The following TULP4 variants were observed in gnomAD, a reference collection of about 807,000 sequenced individuals.
TULP4 encodes tubby-related protein 4.
TULP4 carries 16 observed loss-of-function variants against 129.0 expected under a neutral mutation model. That is an observed-to-expected ratio of 0.12 (90% CI 0.08 to 0.19). The LOEUF is 0.19. Among genes scored for constraint, TULP4 ranks in the 10% least tolerant of loss-of-function variants. The probability of loss-of-function intolerance (pLI) is 1.00; values close to 1 mark genes in which losing one functional copy is unlikely to be tolerated. For synonymous variants in TULP4, 998 were observed against 854.0 expected, an observed-to-expected ratio of 1.17 and a Z score of -2.94; for missense variants, 1,842 against 2,059.1, an observed-to-expected ratio of 0.89 and a Z score of 2.04.
At chr6:158,316,610 A>T (rs955081387) in intron 1 of TULP4, among the ~76,000 whole-genome samples, 3 of 151,120 alleles carry the variant, frequency 2.0e-5, no homozygotes, top group African/African-American at 4.8e-5. Flanking sequence ...TACGCTTCAA[A>T]TTTTTTTTTT....
In TULP4 at chr6:158,502,112, G is replaced by A. The variant is rs777331493; in HGVS notation, c.2449G>A (p.Ala817Thr). The A allele has an allele frequency of 1.1e-5, 17 of 1,609,638 alleles. No homozygotes were observed. The highest frequency in any genetic ancestry group is 1.4e-5 in the Non-Finnish European group (16 of 1,177,850). Residue 817 changes from alanine to threonine, a missense_variant, in exon 13 of 14, where the codon GCA becomes ACA. Ala to Thr is a moderately conservative substitution (Grantham distance 58, BLOSUM62 0). Around this residue, in one of 5 missense-constraint regions of TULP4, gnomAD observed 1,089 missense variants for 987.1 expected, o/e 1.10. Coordinates refer to ENST00000367097, the MANE Select transcript of TULP4 (RefSeq NM_020245.5). ...ACCGCAGCTGGCAGCTGAGGGGGACGCAGTGGTCTTTAGTGCCCCCCAGGA... is the reference window on the plus strand; with the variant it reads ...ACCGCAGCTGGCAGCTGAGGGGGACACAGTGGTCTTTAGTGCCCCCCAGGA... Reference protein sequence around the residue: ...PTPQLAAEGDAVVFSAPQEVQ... With the variant: ...PTPQLAAEGDTVVFSAPQEVQ...
At chr6:158,249,456 G>GT (rs1185081299) in intron 1 of TULP4, among the ~76,000 whole-genome samples, 4 of 152,178 alleles carry the variant, frequency 2.6e-5, no homozygotes, top group African/African-American at 9.7e-5. Flanking sequence ...CACGCATTCT[G>GT]TTTCGTCTTT....
chr6:158,379,266 T>C (rs1262318497), intron 1 of TULP4, among the ~76,000 whole-genome samples: 13 of 152,350 alleles, frequency 8.5e-5, no homozygotes, highest in African/African-American at 3.1e-4. Flanking sequence ...TCTCCTCATA[T>C]GAACCTGTGG....
chr6:158,324,869 A>G (rs1012935640), intron 1 of TULP4, among the ~76,000 whole-genome samples: 2 of 152,194 alleles, frequency 1.3e-5, no homozygotes, highest in African/African-American at 4.8e-5. Context: ...CACTGCTTCA[A>G]AAAGGTGAAG....
Position 158,503,983 on chromosome 6 carries a change from C to T in TULP4, c.4320C>T (p.Gly1440=), listed in dbSNP as rs746482481. 4.2e-5 allele frequency: 67 copies of T among 1,612,570 alleles called. No homozygotes were observed. The highest frequency in any genetic ancestry group is 5.5e-5 in the South Asian group (5 of 90,992). Residue 1440 remains glycine (G), a synonymous_variant, in exon 13 of 14, where the codon GGC becomes GGT. Coordinates refer to ENST00000367097, the MANE Select transcript of TULP4 (RefSeq NM_020245.5). The surrounding 1 kb of genome is among the most constrained non-coding windows in gnomAD (Gnocchi z 4.3). ...WKSKRSPRAA[G]ELEEAKCRRA... ...GCAAGCGCTCCCCACGGGCCGCCGG[C>T]GAGCTGGAGGAGGCCAAGTGCCGGC... is the stretch of plus-strand genomic sequence containing the variant.
intron 3 of TULP4, among the ~76,000 whole-genome samples, chr6:158,436,961 A>G (rs1243170435): frequency 6.6e-6 from 1 of 152,130 alleles, no homozygotes; most frequent in Non-Finnish European, 1.5e-5. Flanking sequence ...TCTGCTAAGG[A>G]GGTTTTGCAC....
chr6:158,480,359 G>T (rs1779912568), intron 7 of TULP4, among the ~76,000 whole-genome samples: 1 of 152,258 alleles, frequency 6.6e-6, no homozygotes, highest in South Asian at 2.1e-4. Context: ...AAGGAAGCAG[G>T]AAACAAGTTA....
intron 1 of TULP4, among the ~76,000 whole-genome samples, chr6:158,251,900 T>A (rs1306127195): frequency 6.6e-6 from 1 of 152,244 alleles, no homozygotes; most frequent in Non-Finnish European, 1.5e-5. Flanking sequence ...GGAAAGGTTT[T>A]AGATTCTAGA....
chr6:158,308,760 G>A (rs1451444729), upstream of TULP4, among the ~76,000 whole-genome samples: 192 of 143,920 alleles, frequency 1.3e-3, no homozygotes, highest in Middle Eastern at 7.8e-3. Flanking sequence ...GCGGGGGGCT[G>A]ACCCCCCCAC....
At chr6:158,283,087 T>A (rs1778784446) in intron 1 of TULP4, among the ~76,000 whole-genome samples, 1 of 149,778 alleles carries the variant, frequency 6.7e-6, no homozygotes, top group South Asian at 2.1e-4. Flanking sequence ...TGCAGTGAGC[T>A]GACATCCCAC....
chr6:158,343,014 C>T lies in TULP4; in HGVS notation c.252+28746C>T, dbSNP rs534510519. On this transcript the variant is annotated intron_variant, in intron 1 of 13. Coordinates refer to ENST00000367097, the MANE Select transcript of TULP4 (RefSeq NM_020245.5). ...GCACTGCCTCCACCAGGACAGCCCC[C>T]GGGTGATGTGTAGAGAATCTGTACC... 4.1e-4 allele frequency among the ~76,000 whole-genome samples: 61 copies of T among 149,556 alleles called. 1 individual carries two copies. The highest frequency in any genetic ancestry group is 1.4e-3 in the African/African-American group (58 of 40,158).
In TULP4 at chr6:158,441,146, T is replaced by C. The variant is rs558612589; in HGVS notation, c.544-7850T>C. On this transcript the variant is annotated intron_variant, in intron 3 of 13. Transcript: ENST00000367097. ...GCCCAGCCAACGTGGTGAAACCCCG[T>C]ATCTATTAAAATACAAAATTACCCA... 1.4e-3 allele frequency among the ~76,000 whole-genome samples: 218 copies of C among 152,126 alleles called. 1 individual carries two copies. Among genetic ancestry groups the C allele is most frequent in the Middle Eastern group, 3.4e-3 (1 of 294 alleles).
At chr6:158,286,493 A>C (rs576755427) in intron 1 of TULP4, among the ~76,000 whole-genome samples, 1 of 152,140 alleles carries the variant, frequency 6.6e-6, no homozygotes, top group African/African-American at 2.4e-5. Context: ...AAACTTGTTT[A>C]TTCTTGTATA....
chr6:158,487,383 T>A (rs1165773690), intron 8 of TULP4, among the ~76,000 whole-genome samples: 1 of 152,118 alleles, frequency 6.6e-6, no homozygotes, highest in East Asian at 1.9e-4. Context: ...GAGGTTGCAG[T>A]GAACCAAGAT....
rs1198103249 is a variant in TULP4, at chr6:158,502,015, G to C, written c.2352G>C (p.Gln784His). The C allele has an allele frequency of 1.2e-6, 2 of 1,613,508 alleles. No individual in the cohort carries two copies. The highest frequency in any genetic ancestry group is 1.7e-6 in the Non-Finnish European group (2 of 1,179,946). ...SLPPPPQGPMQLSTVGHGDRD... is the reference protein window; with the variant it reads ...SLPPPPQGPMHLSTVGHGDRD... ...CTCCCCCGCCGCAGGGGCCCATGCA[G>C]CTGTCCACGGTGGGCCATGGAGACC... The change falls in exon 13 of 14, where the codon CAG (glutamine) becomes CAC (histidine). Residue 784 changes from glutamine (Q) to histidine (H), a missense_variant. By Grantham distance (24) the Gln-to-His change is conservative (BLOSUM62 0). Around this residue, in one of 5 missense-constraint regions of TULP4, gnomAD observed 1,089 missense variants for 987.1 expected, o/e 1.10. Transcript: ENST00000367097.
At chr6:158,395,668 C>CGGGGGGCT (rs5881258) in intron 1 of TULP4, among the ~76,000 whole-genome samples, 1 of 83,056 alleles carries the variant, frequency 1.2e-5, no homozygotes, top group African/African-American at 5.1e-5. Context: ...AAGTGATGGG[C>CGGGGGGCT]GGGGGGGGGG....
intron 1 of TULP4, among the ~76,000 whole-genome samples, chr6:158,353,984 A>G (rs925350243): frequency 3.9e-5 from 6 of 152,242 alleles, no homozygotes; most frequent in Non-Finnish European, 8.8e-5. Context: ...TGCTGTGGTC[A>G]TCGGCCCCAG....
At chr6:158,489,553 C>A in intron 8 of TULP4, 35 bp from the exon 9 acceptor site, 2 of 1,613,024 alleles carry the variant, frequency 1.2e-6, no homozygotes, top group Non-Finnish European at 1.7e-6. Flanking sequence ...ATTGATATAA[C>A]TTCCCTTGAA....
intron 1 of TULP4, among the ~76,000 whole-genome samples, chr6:158,274,301 C>T (rs969736831): frequency 4.0e-5 from 6 of 151,712 alleles, no homozygotes; most frequent in Admixed American, 1.3e-4. Context: ...CACACACAAA[C>T]CAAAAGCCTG....
Sources: allele counts gnomAD v4.1 joint callset (sites outside exome capture counted in the v4.1 genomes callset), GRCh38; gene constraint gnomAD v4.1.1; regional missense constraint gnomAD v4.1.1; non-coding constraint Gnocchi (gnomAD v3.1); transcripts MANE v1.5; gene names NCBI Gene and HGNC (gene_info 2026-07-23, HGNC 2026-07-21).